PRRC2B: variants seen among roughly 807,000 people sequenced by gnomAD.
PRRC2B encodes protein PRRC2B.
Under a neutral mutation model 242.3 loss-of-function variants are expected in PRRC2B, and 68 were observed. The ratio of observed to expected loss-of-function variants is 0.28; its 90% CI spans 0.23 to 0.34. The LOEUF (loss-of-function observed/expected upper bound fraction) is 0.34, where lower values mean the gene tolerates loss of function less well. Ranked by LOEUF, PRRC2B falls within the 10% of genes least tolerant of loss-of-function variation. The probability of loss-of-function intolerance (pLI) is 1.00; values close to 1 mark genes in which losing one functional copy is unlikely to be tolerated. For missense variants in PRRC2B, 2,835 were observed against 2,954.8 expected (o/e 0.96, Z 0.94); for synonymous variants, 1,228 against 1,173.6 (o/e 1.05, Z -0.95).
chr9:131,410,118 C>T (rs534296904), intron 1 of PRRC2B, among the ~76,000 whole-genome samples: 1 of 152,282 alleles, frequency 6.6e-6, no homozygotes, highest in African/African-American at 2.4e-5. Flanking sequence ...ATCTTCTTCC[C>T]CACCCCCCTT....
At chr9:131,413,733 G>T (rs1013610496) in intron 1 of PRRC2B, among the ~76,000 whole-genome samples, 2 of 152,082 alleles carry the variant, frequency 1.3e-5, no homozygotes, top group Non-Finnish European at 2.9e-5. Context: ...GTGCAGCGGT[G>T]CGATCTTGGC....
chr9:131,425,851 A>C (rs766090557), intron 1 of PRRC2B, among the ~76,000 whole-genome samples: 3 of 151,582 alleles, frequency 2.0e-5, no homozygotes, highest in Admixed American at 6.6e-5. Context: ...TTCAGAATTA[A>C]ATGACATTTT....
chr9:131,393,494 A>G (rs1019498259), upstream of PRRC2B, among the ~76,000 whole-genome samples: 25 of 152,346 alleles, frequency 1.6e-4, no homozygotes, highest in Admixed American at 3.3e-4. Context: ...ATTAGTTTTC[A>G]TTTTGTAAAA....
At position 131,430,355 on chromosome 9, in the gene PRRC2B, C is replaced by T. The variant is rs868280073; in HGVS notation, c.115+96C>T. 187 of 692,040 alleles carry T rather than the reference C, an allele frequency of 2.7e-4. 1 individual carries two copies. The highest frequency in any genetic ancestry group is 1.9e-3 in the Middle Eastern group (7 of 3,642). The allele number at this position is 692,040 out of a possible 1,614,324, so 42.9% of individuals were successfully genotyped here. A position where few individuals can be genotyped will look rare whatever the true frequency, so the allele number is the denominator to read the frequency against. ...CTCACCTGGTTAGACAGATGTGGTCCGTGCACACCAGGCTTCTGGGTGTGC... is the reference window on the plus strand; with the variant it reads ...CTCACCTGGTTAGACAGATGTGGTCTGTGCACACCAGGCTTCTGGGTGTGC... On this transcript the variant is annotated intron_variant, in intron 2 of 31. Transcript: ENST00000683519.
At chr9:131,453,865 A>G (rs1358665024) in intron 9 of PRRC2B, among the ~76,000 whole-genome samples, 1 of 152,252 alleles carries the variant, frequency 6.6e-6, no homozygotes, top group African/African-American at 2.4e-5. Flanking sequence ...TAATATAATT[A>G]TATGATTGAC....
chr9:131,483,284 C>T (rs911877139), intron 22 of PRRC2B, 75 bp from the exon 23 acceptor site: 95 of 1,377,652 alleles, frequency 6.9e-5, no homozygotes, highest in Non-Finnish European at 8.8e-5. Flanking sequence ...AACTGCATCA[C>T]GTTAATGTAT....
intron 5 of PRRC2B, among the ~76,000 whole-genome samples, chr9:131,441,285 G>C (rs1838563512): frequency 6.6e-6 from 1 of 152,224 alleles, no homozygotes; most frequent in Non-Finnish European, 1.5e-5. Flanking sequence ...ATAGGGGTGA[G>C]AGGAAGGCTT....
chr9:131,454,647 T>C (rs965091182), intron 9 of PRRC2B, among the ~76,000 whole-genome samples: 2 of 151,792 alleles, frequency 1.3e-5, no homozygotes, highest in Non-Finnish European at 2.9e-5. Context: ...TTCTTTTTTT[T>C]TTTTTCGAGA....
intron 9 of PRRC2B, among the ~76,000 whole-genome samples, chr9:131,450,371 G>A (rs1329492648): frequency 6.6e-6 from 1 of 151,518 alleles, no homozygotes; most frequent in African/African-American, 2.4e-5. Context: ...GGGTTCAAGT[G>A]ATTATCTTGC....
At chr9:131,376,755 C>G (rs528172608) in intron 1 of PRRC2B, among the ~76,000 whole-genome samples, 1 of 152,244 alleles carries the variant, frequency 6.6e-6, no homozygotes, top group East Asian at 1.9e-4. Context: ...GCCTATAATC[C>G]CAGCTACTCA....
intron 10 of PRRC2B, among the ~76,000 whole-genome samples, chr9:131,455,993 A>G (rs1943062947): frequency 6.6e-6 from 1 of 151,918 alleles, no homozygotes. Context: ...TGTGCTTGTA[A>G]TCCCAGCTAC....
chr9:131,460,896 T>C (rs1202217479), intron 11 of PRRC2B, among the ~76,000 whole-genome samples: 2 of 152,194 alleles, frequency 1.3e-5, no homozygotes, highest in African/African-American at 4.8e-5. Flanking sequence ...GCAGGCTCCT[T>C]GCTGCTGGGG....
Position 131,457,226 on chromosome 9 carries a change from G to A in PRRC2B, c.1212-1938G>A, listed in dbSNP as rs1402246427. 8.5e-5 allele frequency among the ~76,000 whole-genome samples: 13 copies of A among 152,156 alleles called. No homozygotes were observed. The East Asian group carries it at 1.7e-3, about 20-fold the overall frequency. On this transcript the variant is annotated intron_variant, in intron 10 of 31. Coordinates refer to ENST00000683519, the MANE Select transcript of PRRC2B (RefSeq NM_013318.4). ...TTCAGCTGAAGCTTTGGATGCAGTC[G>A]GGACATACCTATGGGTCAGTTCCTG...
chr9:131,498,302 C>G lies in PRRC2B; in HGVS notation c.*2428C>G, dbSNP rs898247782. On this transcript the variant is annotated 3_prime_UTR_variant, in exon 32 of 32. Coordinates refer to ENST00000683519, the MANE Select transcript of PRRC2B (RefSeq NM_013318.4). ...AAAAAGAAGTAAATGTTTCACTGCT[C>G]TATTTATATATAATGTCTGAATTAA... The G allele has an allele frequency of 6.6e-6, 1 of 152,072 alleles. No homozygotes were observed. Among genetic ancestry groups the G allele is most frequent in the Non-Finnish European group, 1.5e-5 (1 of 68,034 alleles). 9.4% of individuals were successfully genotyped at this position (152,072 alleles called of 1,614,324 possible).
chr9:131,482,863 T>G lies in PRRC2B; in HGVS notation c.5329T>G (p.Ser1777Ala), dbSNP rs368123423. The part of the protein sequence containing the change: ...PVNGVEIHVD[S>A]VLPVPPIEFG... ...TAACGGGGTGGAGATTCACGTGGAC[T>G]CCGTGCTGCCTGTGCCACCCATTGA... The change falls in exon 22 of 32, where the codon TCC (serine) becomes GCC (alanine). Residue 1777 changes from serine (S) to alanine (A), a missense_variant. Around this residue, in one of 7 missense-constraint regions of PRRC2B, gnomAD observed 574 missense variants for 626.0 expected, o/e 0.92. Coordinates refer to ENST00000683519, the MANE Select transcript of PRRC2B (RefSeq NM_013318.4). This position sits in a 1 kb window ranked among gnomAD's most constrained non-coding sequence, Gnocchi z 5.2. 16 of 1,608,674 alleles carry G rather than the reference T, an allele frequency of 9.9e-6. No homozygotes were observed. The highest frequency in any genetic ancestry group is 1.4e-5 in the Non-Finnish European group (16 of 1,177,520).
rs1243382998 is a variant in PRRC2B at position 131,448,568 on chromosome 9, A to G, written c.1120+764A>G. ...CAAAAAAAAAAAAAAAAAAAAAAAA[A>G]AAGGAAAGAGAAAGAGTCTGGCTGT... On this transcript the variant is annotated intron_variant, in intron 9 of 31. Coordinates refer to ENST00000683519, the MANE Select transcript of PRRC2B (RefSeq NM_013318.4). 5.7e-4 allele frequency among the ~76,000 whole-genome samples: 84 copies of G among 146,688 alleles called. 4 individuals are homozygous for G. The highest frequency in any genetic ancestry group is 1.1e-3 in the Non-Finnish European group (75 of 66,452).
Position 131,483,499 on chromosome 9 carries a change from C to G in PRRC2B, c.5460+54C>G, listed in dbSNP as rs926219253. On this transcript the variant is annotated intron_variant, in intron 23 of 31. Transcript: ENST00000683519. ...ACTCACTGCTTGGGGCTGGCAGGCC[C>G]TGGGTGAAGGAGACAGCACATGTAT... is the stretch of plus-strand genomic sequence containing the variant. 9 of 1,502,994 alleles carry G rather than the reference C, an allele frequency of 6.0e-6. No homozygotes were observed. In the African/African-American group the frequency reaches 1.2e-4, roughly 21 times the overall value. 93.1% of individuals were successfully genotyped at this position (1,502,994 alleles called of 1,614,324 possible). A position where few individuals can be genotyped will look rare whatever the true frequency, so the allele number is the denominator to read the frequency against.
chr9:131,431,698 C>G (rs1035293262), intron 2 of PRRC2B, among the ~76,000 whole-genome samples: 1 of 151,410 alleles, frequency 6.6e-6, no homozygotes, highest in African/African-American at 2.4e-5. Context: ...GCCATTCTTC[C>G]GCCTCAGCCT....
At chr9:131,456,427 C>T (rs1588262330) in intron 10 of PRRC2B, among the ~76,000 whole-genome samples, 2 of 151,648 alleles carry the variant, frequency 1.3e-5, no homozygotes, top group Non-Finnish European at 2.9e-5. Flanking sequence ...GTCAGGAGAT[C>T]GAGACCATCC....
Sources: gnomAD v4.1 joint callset for allele counts (sites outside exome capture counted in the v4.1 genomes callset) on GRCh38, gnomAD v4.1.1 for gene constraint, gnomAD v4.1.1 regional missense constraint, Gnocchi (gnomAD v3.1) non-coding constraint, MANE v1.5 for transcripts, NCBI Gene and HGNC (gene_info 2026-07-23, HGNC 2026-07-21) for gene names.